GABRA2: variants seen among roughly 807,000 people sequenced by gnomAD.
GABRA2 encodes gamma-aminobutyric acid type A receptor subunit alpha2.
Under a neutral mutation model 48.7 loss-of-function variants are expected in GABRA2, and 16 were observed. That is an observed-to-expected ratio of 0.33 (90% confidence interval 0.22 to 0.50). GABRA2 has a LOEUF of 0.50. Among genes scored for constraint, GABRA2 ranks in the 20% least tolerant of loss-of-function variants. The pLI is 0.98. For missense variants in GABRA2, 275 were observed against 535.6 expected, an observed-to-expected ratio of 0.51 and a Z score of 4.80; for synonymous variants, 185 against 184.5, an observed-to-expected ratio of 1.00 and a Z score of -0.02.
At chr4:46,251,185 T>G (rs1714679394) in intron 9 of GABRA2, among the ~76,000 whole-genome samples, 1 of 151,474 alleles carries the variant, frequency 6.6e-6, no homozygotes, top group Non-Finnish European at 1.5e-5. Flanking sequence ...CGTTTCACTT[T>G]ATAATCTCTA....
chr4:46,376,934 G>A (rs1037173266), intron 3 of GABRA2, among the ~76,000 whole-genome samples: 47 of 152,110 alleles, frequency 3.1e-4, no homozygotes, highest in Non-Finnish European at 5.4e-4. Flanking sequence ...ACGGGGTTTC[G>A]CTGTGTTGGC....
intron 3 of GABRA2, among the ~76,000 whole-genome samples, chr4:46,385,581 T>A (rs961626587): frequency 2.0e-5 from 3 of 152,112 alleles, no homozygotes; most frequent in Non-Finnish European, 4.4e-5. Flanking sequence ...TGCTGTATTC[T>A]AGAAATATCA....
intron 8 of GABRA2, among the ~76,000 whole-genome samples, chr4:46,263,988 C>G (rs1185751229): frequency 6.7e-6 from 1 of 150,254 alleles, no homozygotes; most frequent in African/African-American, 2.4e-5. Flanking sequence ...TTTAGGGCTT[C>G]TTTAATTTCA....
At chr4:46,385,956 T>A in intron 3 of GABRA2, 118 bp downstream of exon 3, 1 of 627,732 alleles carries the variant, frequency 1.6e-6, no homozygotes, top group Non-Finnish European at 2.8e-6. Context: ...TTCTATTTTC[T>A]ATAATTTTAT....
chr4:46,316,149 A>C (rs966713914), intron 4 of GABRA2, among the ~76,000 whole-genome samples: 4 of 151,912 alleles, frequency 2.6e-5, no homozygotes, highest in Non-Finnish European at 5.9e-5. Flanking sequence ...CAATATCATC[A>C]TCGTTTTTCC....
chr4:46,389,370 C>T (rs1459213734), intron 1 of GABRA2: 3 of 985,242 alleles, frequency 3.0e-6, no homozygotes, highest in Admixed American at 6.2e-5. Context: ...TGCTGCGAAA[C>T]GACGCGTTTG....
At chr4:46,369,163 G>A (rs1048813361) in intron 3 of GABRA2, among the ~76,000 whole-genome samples, 2 of 152,040 alleles carry the variant, frequency 1.3e-5, no homozygotes, top group African/African-American at 2.4e-5. Context: ...CTGGTCAAGC[G>A]GTTTACTTGA....
chr4:46,325,821 T>C (rs186376110), intron 4 of GABRA2, among the ~76,000 whole-genome samples: 1 of 152,162 alleles, frequency 6.6e-6, no homozygotes, highest in Admixed American at 6.6e-5. Context: ...GCACCATTTA[T>C]TGAATAAGGA....
intron 6 of GABRA2, among the ~76,000 whole-genome samples, chr4:46,309,934 C>T (rs1727348636): frequency 6.6e-6 from 1 of 152,128 alleles, no homozygotes; most frequent in Admixed American, 6.6e-5. Flanking sequence ...TCTAATTTTA[C>T]ACATGTACTA....
intron 8 of GABRA2, among the ~76,000 whole-genome samples, chr4:46,296,311 T>G (rs538416029): frequency 6.6e-6 from 1 of 152,242 alleles, no homozygotes; most frequent in African/African-American, 2.4e-5. Context: ...CCTAGAGATC[T>G]TAGTTCCAGA....
At chr4:46,267,026 A>G (rs896458777) in intron 8 of GABRA2, among the ~76,000 whole-genome samples, 2 of 151,774 alleles carry the variant, frequency 1.3e-5, no homozygotes, top group African/African-American at 4.8e-5. Context: ...GCATGGTCCA[A>G]ATATTCTTTT....
At chr4:46,316,692 T>G (rs1422073538) in intron 4 of GABRA2, among the ~76,000 whole-genome samples, 2 of 151,988 alleles carry the variant, frequency 1.3e-5, no homozygotes, top group African/African-American at 2.4e-5. Context: ...TGGGTCATGG[T>G]GCAATCACGA....
intron 3 of GABRA2, among the ~76,000 whole-genome samples, chr4:46,378,752 G>A (rs547669653): frequency 7.2e-5 from 11 of 152,022 alleles, no homozygotes; most frequent in South Asian, 4.2e-4. Context: ...ACTTGAACCC[G>A]GGAGGTGGAG....
At chr4:46,253,087 T>G (rs558138037) in intron 9 of GABRA2, among the ~76,000 whole-genome samples, 6 of 151,430 alleles carry the variant, frequency 4.0e-5, no homozygotes, top group Non-Finnish European at 7.4e-5. Context: ...CAAGGAAAGT[T>G]TGATGGAAGT....
In GABRA2 at chr4:46,261,929, G is replaced by A; in HGVS notation, c.1056C>T (p.Asp352=). 6.2e-7 allele frequency: 1 copy of A among 1,612,404 alleles called. No individual in the cohort carries two copies. The highest frequency in any genetic ancestry group is 8.5e-7 in the Non-Finnish European group (1 of 1,178,652). The change falls in exon 9 of 10, where the codon GAC becomes GAT. Residue 352 remains aspartate (D), a synonymous_variant. Transcript: ENST00000381620. ...WAWDGKSVVN[D]KKKEKASVMI... Reference sequence around the variant, plus strand: ...TAACACGGAAGCTCTCACTTACCTTGTCATTTACTACACTCTTCCCATCCC... The same window carrying A: ...TAACACGGAAGCTCTCACTTACCTTATCATTTACTACACTCTTCCCATCCC...
At chr4:46,273,374 C>G (rs1719723677) in intron 8 of GABRA2, among the ~76,000 whole-genome samples, 1 of 127,560 alleles carries the variant, frequency 7.8e-6, no homozygotes, top group Non-Finnish European at 1.7e-5. Flanking sequence ...TTCTCTCTCT[C>G]TCCCTCTGTG....
chr4:46,298,632 T>C (rs1191735418), intron 8 of GABRA2, among the ~76,000 whole-genome samples: 1 of 152,130 alleles, frequency 6.6e-6, no homozygotes, highest in African/African-American at 2.4e-5. Flanking sequence ...CCAGGCTCTA[T>C]GTTAATAACT....
chr4:46,383,616 G>A (rs1448407192), intron 3 of GABRA2, among the ~76,000 whole-genome samples: 1 of 152,140 alleles, frequency 6.6e-6, no homozygotes, highest in Non-Finnish European at 1.5e-5. Context: ...ATATATGATA[G>A]CACATAATAT....
intron 8 of GABRA2, among the ~76,000 whole-genome samples, chr4:46,301,393 T>A (rs1167828384): frequency 6.6e-6 from 1 of 152,188 alleles, no homozygotes; most frequent in Non-Finnish European, 1.5e-5. Context: ...TTTAGACATG[T>A]TATGGTCCAA....
Sources: gnomAD v4.1 joint callset for allele counts (sites outside exome capture counted in the v4.1 genomes callset) on GRCh38, gnomAD v4.1.1 for gene constraint, MANE v1.5 for transcripts, NCBI Gene and HGNC (gene_info 2026-07-23, HGNC 2026-07-21) for gene names.